The following CROT variants were observed in gnomAD, a reference collection of about 807,000 sequenced individuals.
CROT encodes the protein carnitine O-octanoyltransferase.
Under a neutral mutation model 89.2 loss-of-function variants are expected in CROT, and 84 were observed. The observed-to-expected ratio is 0.94, with a 90% confidence interval of 0.79 to 1.13. The LOEUF (loss-of-function observed/expected upper bound fraction) is 1.13. CROT is among the 50% of genes most tolerant of loss of function. CROT has a pLI of 0.00. For missense variants in CROT, 711 were observed against 727.8 expected (o/e 0.98, Z 0.27); for synonymous variants, 212 against 239.5 (o/e 0.89, Z 1.06).
At chr7:87,385,345 T>C (rs1477688260) in intron 13 of CROT, among the ~76,000 whole-genome samples, 1 of 152,170 alleles carries the variant, frequency 6.6e-6, no homozygotes, top group East Asian at 1.9e-4. Flanking sequence ...GTCTTTCCAT[T>C]TTTTGGTGTT....
intron 3 of CROT, among the ~76,000 whole-genome samples, chr7:87,351,766 T>G (rs1175521942): frequency 4.6e-5 from 7 of 152,194 alleles, no homozygotes; most frequent in Non-Finnish European, 1.5e-5. Flanking sequence ...TTAGAAGCAC[T>G]TGATAGGGTC....
chr7:87,381,264 A>C (rs1806992123), intron 10 of CROT, among the ~76,000 whole-genome samples: 1 of 152,202 alleles, frequency 6.6e-6, no homozygotes, highest in South Asian at 2.1e-4. Flanking sequence ...AAATGCGGGC[A>C]AAAACTTTGT....
chr7:87,377,627 C>G (rs899737904), intron 10 of CROT, among the ~76,000 whole-genome samples, 177 bp downstream of exon 10: 3 of 152,090 alleles, frequency 2.0e-5, no homozygotes, highest in African/African-American at 7.2e-5. Flanking sequence ...TTATTTTCTT[C>G]TGTAGTAAGG....
chr7:87,398,802 T>C lies in CROT; in HGVS notation c.*158T>C. 2 of 685,088 alleles carry C rather than the reference T, an allele frequency of 2.9e-6. No individual in the cohort carries two copies. Among genetic ancestry groups the C allele is most frequent in the Non-Finnish European group, 4.8e-6 (2 of 419,510 alleles). 42.4% of individuals were successfully genotyped at this position (685,088 alleles called of 1,614,324 possible). On this transcript the variant is annotated 3_prime_UTR_variant, in exon 18 of 18. Coordinates refer to ENST00000331536, the MANE Select transcript of CROT (RefSeq NM_021151.4). ...TGTAGAAATTAGTAGAATCATGCTC[T>C]CTAAATTTATTCTGCCATAGAAGGT...
At chr7:87,351,975 A>T (rs1805881794) in intron 3 of CROT, among the ~76,000 whole-genome samples, 1 of 152,118 alleles carries the variant, frequency 6.6e-6, no homozygotes, top group South Asian at 2.1e-4. Context: ...GTGATCTTAG[A>T]TTCTATTTAT....
intron 17 of CROT, among the ~76,000 whole-genome samples, chr7:87,396,571 G>T (rs1380240016): frequency 1.3e-5 from 2 of 151,938 alleles, no homozygotes; most frequent in African/African-American, 4.8e-5. Context: ...CAAAAAGATA[G>T]AAATTACAAT....
intron 3 of CROT, among the ~76,000 whole-genome samples, chr7:87,351,177 C>T (rs1168934681): frequency 2.6e-5 from 4 of 151,718 alleles, no homozygotes; most frequent in African/African-American, 7.3e-5. Context: ...GGCGTGGTGG[C>T]GGGCCCTTGT....
At chr7:87,387,711 G>A (rs1477696932) in intron 13 of CROT, among the ~76,000 whole-genome samples, 2 of 152,158 alleles carry the variant, frequency 1.3e-5, no homozygotes, top group African/African-American at 4.8e-5. Context: ...CAGCACTTTG[G>A]GAGGCTGAGG....
intron 17 of CROT, among the ~76,000 whole-genome samples, chr7:87,396,135 G>T (rs1052145032): frequency 6.6e-6 from 1 of 152,186 alleles, no homozygotes; most frequent in Admixed American, 6.5e-5. Flanking sequence ...GGATTTCAAG[G>T]TATGGATGTT....
At chr7:87,362,642 A>AT (rs10717710) in intron 6 of CROT, among the ~76,000 whole-genome samples, 31 of 148,494 alleles carry the variant, frequency 2.1e-4, no homozygotes, top group East Asian at 5.9e-4. Context: ...TGACTCATCA[A>AT]TTTTTTTTTT....
chr7:87,387,749 C>T (rs982589639), intron 13 of CROT, among the ~76,000 whole-genome samples: 2 of 152,034 alleles, frequency 1.3e-5, no homozygotes, highest in Non-Finnish European at 2.9e-5. Flanking sequence ...GTCAGGAGTT[C>T]GAGACTAGCC....
At chr7:87,393,862 G>T (rs2116207966) in intron 17 of CROT, among the ~76,000 whole-genome samples, 1 of 152,274 alleles carries the variant, frequency 6.6e-6, no homozygotes, top group East Asian at 1.9e-4. Flanking sequence ...CTTACATGCA[G>T]ATTTTAAATA....
intron 3 of CROT, chr7:87,357,709 A>G (rs1271588393): frequency 3.3e-6 from 2 of 615,092 alleles, no homozygotes; most frequent in African/African-American, 1.8e-5. Flanking sequence ...TTTTTCTTAT[A>G]TAGAGCCTTT....
intron 17 of CROT, among the ~76,000 whole-genome samples, chr7:87,393,361 G>A (rs185283622): frequency 1.3e-5 from 2 of 152,220 alleles, no homozygotes; most frequent in African/African-American, 2.4e-5. Flanking sequence ...TATTTGGTTT[G>A]TACAAGGTAT....
chr7:87,354,715 G>C (rs376276745), intron 3 of CROT, among the ~76,000 whole-genome samples: 1 of 152,102 alleles, frequency 6.6e-6, no homozygotes, highest in Non-Finnish European at 1.5e-5. Context: ...GAACTTCTGG[G>C]ATATGATTCT....
Position 87,360,334 on chromosome 7 carries a change from A to G in CROT, c.240+1004A>G, listed in dbSNP as rs117242779. On this transcript the variant is annotated intron_variant, in intron 4 of 17. Transcript: ENST00000331536. Reference sequence around the variant, plus strand: ...TGAAGCCTACTGAAAACTTTTATTTATTTGTTTTATTTATTTATTTTTTGG... The same window carrying G: ...TGAAGCCTACTGAAAACTTTTATTTGTTTGTTTTATTTATTTATTTTTTGG... 9.9e-3 allele frequency among the ~76,000 whole-genome samples: 1,501 copies of G among 152,226 alleles called. 55 individuals are homozygous for G. Among genetic ancestry groups the G allele is most frequent in the East Asian group, 0.066 (344 of 5,178 alleles).
chr7:87,387,029 T>C (rs1807203633), intron 13 of CROT, among the ~76,000 whole-genome samples: 2 of 152,044 alleles, frequency 1.3e-5, no homozygotes, highest in Admixed American at 1.3e-4. Flanking sequence ...ACATGCGGCC[T>C]GGCAGCTTGA....
Position 87,349,048 on chromosome 7 carries a change from G to A in CROT, c.-21G>A. 1 of 1,358,234 alleles carries A rather than the reference G, an allele frequency of 7.4e-7. No homozygotes were observed. The highest frequency in any genetic ancestry group is 1.3e-5 in the South Asian group (1 of 79,638). The allele number at this position is 1,358,234 out of a possible 1,614,324, so 84.1% of individuals were successfully genotyped here. Reference sequence around the variant, plus strand: ...TGAGGGCTCTCTCTCTTTTCTTTAGGTTTCCTATTGTGATTTTATCATGGA... The same window carrying A: ...TGAGGGCTCTCTCTCTTTTCTTTAGATTTCCTATTGTGATTTTATCATGGA... On this transcript the variant is annotated splice_region_variant and 5_prime_UTR_variant, in exon 3 of 18. Transcript: ENST00000331536.
chr7:87,357,314 C>A (rs1486195443), intron 3 of CROT, among the ~76,000 whole-genome samples: 2 of 151,968 alleles, frequency 1.3e-5, no homozygotes, highest in South Asian at 2.1e-4. Flanking sequence ...TTTATTATAC[C>A]CCAGGGACTC....
Sources: allele counts gnomAD v4.1 joint callset (sites outside exome capture counted in the v4.1 genomes callset), GRCh38; gene constraint gnomAD v4.1.1; transcripts MANE v1.5; gene names NCBI Gene and HGNC (gene_info 2026-07-23, HGNC 2026-07-21).